MTHFD2L: variants seen among roughly 807,000 people sequenced by gnomAD.
The protein encoded by MTHFD2L is bifunctional methylenetetrahydrofolate dehydrogenase/cyclohydrolase 2, mitochondrial.
A neutral mutation model predicts 34.9 loss-of-function variants in MTHFD2L; 29 were observed. The observed-to-expected ratio is 0.83, with a 90% CI of 0.62 to 1.13. MTHFD2L has a LOEUF of 1.13. Ranked by LOEUF, MTHFD2L falls within the 50% of genes most tolerant of loss-of-function variation. MTHFD2L has a pLI of 0.00. For synonymous variants in MTHFD2L, 167 were observed against 155.7 expected, an observed-to-expected ratio of 1.07 and a Z score of -0.54; for missense variants, 481 against 446.5, an observed-to-expected ratio of 1.08 and a Z score of -0.70.
At chr4:74,294,193 A>G (rs1364398927) in intron 7 of MTHFD2L, among the ~76,000 whole-genome samples, 2 of 152,180 alleles carry the variant, frequency 1.3e-5, no homozygotes, top group Non-Finnish European at 2.9e-5. Flanking sequence ...GAGAACAAAT[A>G]TATTCTTTAA....
chr4:74,259,054 G>C (rs188589778), intron 6 of MTHFD2L, among the ~76,000 whole-genome samples: 24 of 152,264 alleles, frequency 1.6e-4, no homozygotes, highest in Admixed American at 9.8e-4. Flanking sequence ...TGTGGCATTT[G>C]AGCCATGACC....
chr4:74,127,071 G>A (rs896806795), intron 1 of MTHFD2L, among the ~76,000 whole-genome samples: 2 of 152,134 alleles, frequency 1.3e-5, no homozygotes, highest in African/African-American at 4.8e-5. Flanking sequence ...GTGAAGAGGT[G>A]CATTCTGCCA....
At chr4:74,275,987 A>G (rs755216010) in intron 6 of MTHFD2L, among the ~76,000 whole-genome samples, 8 of 152,034 alleles carry the variant, frequency 5.3e-5, no homozygotes, top group Non-Finnish European at 1.0e-4. Flanking sequence ...TTTTGTTGCA[A>G]TTGCTTTTGG....
intron 1 of MTHFD2L, chr4:74,165,034 G>A (rs2109914974): frequency 2.0e-6 from 2 of 983,432 alleles, no homozygotes; most frequent in East Asian, 2.3e-4. Context: ...TAATGGCAAG[G>A]TCACTATGTA....
upstream of MTHFD2L, chr4:74,158,109 C>T: frequency 6.5e-7 from 1 of 1,529,918 alleles, no homozygotes; most frequent in Non-Finnish European, 8.8e-7. Context: ...GGAGGTGGAG[C>T]CCCAGTCCGG....
In MTHFD2L at chr4:74,252,746, A is replaced by C. The variant is rs534557495; in HGVS notation, c.805+27352A>C. On this transcript the variant is annotated intron_variant, in intron 6 of 7. Transcript: ENST00000325278. ...AAGTATCTAGAAAACATGGCTTGTG[A>C]TATGGAACATAAGAAATTCTGCTTA... is the stretch of plus-strand genomic sequence containing the variant. Among the ~76,000 whole-genome samples, 3 of 152,240 alleles carry C rather than the reference A, an allele frequency of 2.0e-5. No individual in the cohort carries two copies. In the South Asian group the frequency reaches 6.2e-4, roughly 32 times the overall value.
At chr4:74,279,418 A>G (rs1747135849) in intron 6 of MTHFD2L, among the ~76,000 whole-genome samples, 1 of 152,024 alleles carries the variant, frequency 6.6e-6, no homozygotes, top group Non-Finnish European at 1.5e-5. Context: ...AAATTTTTAT[A>G]TATTTTCCAA....
At chr4:74,256,185 A>AT (rs1744005467) in intron 6 of MTHFD2L, among the ~76,000 whole-genome samples, 2 of 152,178 alleles carry the variant, frequency 1.3e-5, no homozygotes, top group Admixed American at 6.5e-5. Flanking sequence ...TTTTCATAAT[A>AT]GCCATTCTGT....
chr4:74,121,630 ATTTAAT>A (rs896992656), upstream of MTHFD2L, among the ~76,000 whole-genome samples: 2 of 145,686 alleles, frequency 1.4e-5, no homozygotes, highest in African/African-American at 5.0e-5. Context: ...ATAATTAATT[ATTTAAT>A]TATACATATA....
chr4:74,201,347 A>C lies in MTHFD2L; in HGVS notation c.689A>C (p.Asp230Ala), dbSNP rs199612978. ...CCTATTGCCATGCTTTTACACACTGATGGAGAGCATGAACGGCCAGGAGGT... is the reference window on the plus strand; with the variant it reads ...CCTATTGCCATGCTTTTACACACTGCTGGAGAGCATGAACGGCCAGGAGGT... ...GMPIAMLLHT[D>A]GEHERPGGDA... is the part of the protein sequence containing the mutation. The change falls in exon 5 of 8, where the codon GAT (aspartate) becomes GCT (alanine). Residue 230 changes from aspartate to alanine, a missense_variant. By Grantham distance (126) the Asp-to-Ala change is moderately radical. Coordinates refer to ENST00000325278, the MANE Select transcript of MTHFD2L (RefSeq NM_001144978.3). 3.0e-4 allele frequency: 477 copies of C among 1,613,386 alleles called. No individual in the cohort carries two copies. Among genetic ancestry groups the C allele is most frequent in the Non-Finnish European group, 2.5e-4 (298 of 1,179,592 alleles).
intron 3 of MTHFD2L, chr4:74,194,458 A>G (rs538972794): frequency 6.6e-6 from 1 of 151,874 alleles, no homozygotes; most frequent in Non-Finnish European, 1.5e-5. Flanking sequence ...TTTTTCAGAT[A>G]GTTGTTTTTG....
intron 3 of MTHFD2L, among the ~76,000 whole-genome samples, chr4:74,177,382 C>T (rs532199): frequency 0.99 from 150,706 of 152,106 alleles, 74,675 homozygotes; most frequent in Middle Eastern, 1. Flanking sequence ...GGCATTTCTA[C>T]GACATTTCAA....
At chr4:74,260,683 A>T (rs1028267835) in intron 6 of MTHFD2L, among the ~76,000 whole-genome samples, 1 of 152,134 alleles carries the variant, frequency 6.6e-6, no homozygotes, top group African/African-American at 2.4e-5. Flanking sequence ...GAACAGAAAC[A>T]TTATTTCATT....
At position 74,198,731 on chromosome 4, in the gene MTHFD2L, A is replaced by G. The variant is rs531944110; in HGVS notation, c.452-1063A>G. Among the ~76,000 whole-genome samples, 3 of 152,314 alleles carry G rather than the reference A, an allele frequency of 2.0e-5. No individual in the cohort carries two copies. In the South Asian group the frequency reaches 6.2e-4, roughly 32 times the overall value. On this transcript the variant is annotated intron_variant, in intron 3 of 7. Coordinates refer to ENST00000325278, the MANE Select transcript of MTHFD2L (RefSeq NM_001144978.3). Reference sequence around the variant, plus strand: ...AAATAGATGGAGGCCCTGCTAAAACATTCTAGACTGAATGCAGTTATTAAA... The same window carrying G: ...AAATAGATGGAGGCCCTGCTAAAACGTTCTAGACTGAATGCAGTTATTAAA...
chr4:74,141,726 T>G (rs1191974364), intron 1 of MTHFD2L, among the ~76,000 whole-genome samples: 1 of 152,186 alleles, frequency 6.6e-6, no homozygotes, highest in African/African-American at 2.4e-5. Flanking sequence ...AATAATATTA[T>G]TCTTGTAACT....
In MTHFD2L at chr4:74,180,320, T is replaced by G. The variant is rs545388596; in HGVS notation, c.451+4917T>G. Among the ~76,000 whole-genome samples, 4 of 152,258 alleles carry G rather than the reference T, an allele frequency of 2.6e-5. No homozygotes were observed. The South Asian group carries it at 6.2e-4, about 24-fold the overall frequency. Reference sequence around the variant, plus strand: ...TACAGCCTCTCCTATGTATATCTCATAAGACTGTTATAATGAACAAATTAA... The same window carrying G: ...TACAGCCTCTCCTATGTATATCTCAGAAGACTGTTATAATGAACAAATTAA... On this transcript the variant is annotated intron_variant, in intron 3 of 7. Transcript: ENST00000325278.
intron 5 of MTHFD2L, among the ~76,000 whole-genome samples, chr4:74,210,280 A>G (rs1456291732): frequency 6.6e-6 from 1 of 152,166 alleles, no homozygotes; most frequent in Non-Finnish European, 1.5e-5. Flanking sequence ...TATGTCCCAA[A>G]TGGTATTGCC....
intron 2 of MTHFD2L, 44 bp from the exon 3 acceptor site, chr4:74,175,237 T>C (rs778170060): frequency 6.9e-6 from 11 of 1,596,268 alleles, no homozygotes; most frequent in Admixed American, 3.4e-5. Context: ...TGAAAAACCA[T>C]ATTCAGTTAG....
In MTHFD2L at chr4:74,127,910, T is replaced by C. The variant is rs187318783; in HGVS notation, c.-297+2393T>C. 8.5e-5 allele frequency among the ~76,000 whole-genome samples: 13 copies of C among 152,286 alleles called. No individual in the cohort carries two copies. In the East Asian group the frequency reaches 2.5e-3, roughly 29 times the overall value. On this transcript the variant is annotated intron_variant, in intron 1 of 7. Coordinates refer to the MTHFD2L transcript ENST00000433372. ...TTCTCTCCATCCTCGCCAGCATCTG[T>C]TATTACCTGTCATTTTGATAAAGGC...
Sources: gnomAD v4.1 joint callset for allele counts (sites outside exome capture counted in the v4.1 genomes callset) on GRCh38, gnomAD v4.1.1 for gene constraint, MANE v1.5 for transcripts, NCBI Gene and HGNC (gene_info 2026-07-23, HGNC 2026-07-21) for gene names.